Variants in FARS2 observed in about 807,000 individuals in gnomAD.
FARS2 encodes the protein phenylalanine--tRNA ligase, mitochondrial.
A neutral mutation model predicts 46.4 loss-of-function variants in FARS2; 40 were observed. The observed-to-expected ratio is 0.86, with a 90% CI of 0.67 to 1.12. The LOEUF (loss-of-function observed/expected upper bound fraction) is 1.12, where lower values mean the gene tolerates loss of function less well. Among genes scored for constraint, FARS2 ranks in the 50% most tolerant of loss-of-function variants. FARS2 has a pLI of 0.00. For missense variants in FARS2, 513 were observed against 567.9 expected (o/e 0.90, Z 0.98); for synonymous variants, 234 against 214.9 (o/e 1.09, Z -0.78).
chr6:5,638,614 G>T lies in FARS2; in HGVS notation c.1217+25294G>T, dbSNP rs1303698035. ...AACCATCCCAGTCTTCTCAGAGCAGGCCTCACTGAAAACTGAGGACTCTCA... is the reference window on the plus strand; with the variant it reads ...AACCATCCCAGTCTTCTCAGAGCAGTCCTCACTGAAAACTGAGGACTCTCA... On this transcript the variant is annotated intron_variant, in intron 6 of 6. Coordinates refer to ENST00000274680, the MANE Select transcript of FARS2 (RefSeq NM_006567.5). 2.0e-5 allele frequency among the ~76,000 whole-genome samples: 3 copies of T among 152,166 alleles called. No homozygotes were observed. The South Asian group carries it at 6.2e-4, about 31-fold the overall frequency.
intron 6 of FARS2, among the ~76,000 whole-genome samples, chr6:5,704,238 C>T (rs1280993399): frequency 2.0e-5 from 3 of 152,196 alleles, no homozygotes; most frequent in Non-Finnish European, 4.4e-5. Flanking sequence ...CCTCTTGGCT[C>T]ATAGATGGTT....
chr6:5,680,990 C>T (rs894083778), intron 6 of FARS2, among the ~76,000 whole-genome samples: 1 of 152,162 alleles, frequency 6.6e-6, no homozygotes, highest in African/African-American at 2.4e-5. Context: ...TATCTGCTTC[C>T]GATGAGGAAG....
At chr6:5,577,751 A>G (rs1391470293) in intron 5 of FARS2, among the ~76,000 whole-genome samples, 8 of 151,982 alleles carry the variant, frequency 5.3e-5, no homozygotes, top group Non-Finnish European at 7.4e-5. Context: ...GGAGTAAACA[A>G]TAATTGGATT....
intron 6 of FARS2, among the ~76,000 whole-genome samples, chr6:5,684,349 G>A (rs138873738): frequency 0.014 from 2,161 of 152,202 alleles, 49 homozygotes; most frequent in African/African-American, 0.05. Context: ...GCACTAGTAT[G>A]CAAAACTACA....
intron 6 of FARS2, among the ~76,000 whole-genome samples, chr6:5,687,012 A>G (rs915474003): frequency 5.9e-5 from 9 of 152,104 alleles, no homozygotes; most frequent in Admixed American, 5.2e-4. Context: ...TTTGAGAAGT[A>G]TCTGTTCATA....
chr6:5,768,960 A>T (rs962447795), intron 6 of FARS2, among the ~76,000 whole-genome samples: 13 of 151,870 alleles, frequency 8.6e-5, no homozygotes, highest in Admixed American at 3.3e-4. Context: ...GCCTTGAATT[A>T]AAAAAAATGC....
chr6:5,655,313 T>C (rs1470910730), intron 6 of FARS2, among the ~76,000 whole-genome samples: 2 of 152,180 alleles, frequency 1.3e-5, no homozygotes, highest in Non-Finnish European at 2.9e-5. Context: ...TTTAGCATGA[T>C]TGATTTTTTT....
At position 5,314,561 on chromosome 6, in the gene FARS2, A is replaced by G. The variant is rs142333684; in HGVS notation, c.-22+52901A>G. Among the ~76,000 whole-genome samples the G allele has an allele frequency of 2.2e-3, 335 of 152,284 alleles. 1 individual carries two copies. Among genetic ancestry groups the G allele is most frequent in the African/African-American group, 7.7e-3 (322 of 41,564 alleles). On this transcript the variant is annotated intron_variant, in intron 1 of 6. Coordinates refer to ENST00000274680, the MANE Select transcript of FARS2 (RefSeq NM_006567.5). ...ACTTACCTTTTAGGATAAACTGCCT[A>G]TGGTCTGTTTTCTTCCAGGCAGAGG...
chr6:5,699,726 C>T (rs554729377), intron 6 of FARS2, among the ~76,000 whole-genome samples: 31 of 152,198 alleles, frequency 2.0e-4, no homozygotes, highest in Non-Finnish European at 3.8e-4. Flanking sequence ...CCAGGCTGGT[C>T]GAGATTTCAT....
chr6:5,305,716 G>A (rs1045318931), intron 1 of FARS2, among the ~76,000 whole-genome samples: 1 of 152,158 alleles, frequency 6.6e-6, no homozygotes, highest in Non-Finnish European at 1.5e-5. Flanking sequence ...ACACCTTGTT[G>A]GGAGAACTTG....
intron 6 of FARS2, among the ~76,000 whole-genome samples, chr6:5,687,287 G>C (rs1002689498): frequency 1.3e-5 from 2 of 152,172 alleles, no homozygotes; most frequent in African/African-American, 4.8e-5. Context: ...CCTATGCCCT[G>C]AATGGTATTG....
intron 6 of FARS2, among the ~76,000 whole-genome samples, chr6:5,634,740 C>T (rs992940826): frequency 2.6e-5 from 4 of 152,228 alleles, no homozygotes; most frequent in African/African-American, 7.2e-5. Flanking sequence ...GAGTAGCCCA[C>T]GTGGCAATCC....
intron 2 of FARS2, among the ~76,000 whole-genome samples, chr6:5,372,639 G>T (rs1162340966): frequency 6.6e-6 from 1 of 152,056 alleles, no homozygotes; most frequent in Non-Finnish European, 1.5e-5. Context: ...GGGTTAAAGA[G>T]AAATATTAGC....
chr6:5,564,110 ACAGCAATGGAAACTCT>A lies in FARS2; in HGVS notation c.1065+18772_1065+18787del, dbSNP rs879449587. On this transcript the variant is annotated intron_variant, in intron 5 of 6. Transcript: ENST00000274680. ...AAGGGTAATAATTAAGCAAAATACT[ACAGCAATGGAAACTCT>A]CTGTCCAATATTTCAGTTAGAAGGT... Among the ~76,000 whole-genome samples, 314 of 152,336 alleles carry A rather than the reference ACAGCAATGGAAACTCT, an allele frequency of 2.1e-3. 3 individuals carry two copies. Among genetic ancestry groups the A allele is most frequent in the African/African-American group, 7.2e-3 (301 of 41,574 alleles).
chr6:5,458,712 C>T (rs1454679561), intron 4 of FARS2, among the ~76,000 whole-genome samples: 1 of 152,090 alleles, frequency 6.6e-6, no homozygotes, highest in African/African-American at 2.4e-5. Flanking sequence ...TTTCTTATTC[C>T]TAAGAATGGC....
Position 5,297,643 on chromosome 6 carries a change from T to G in FARS2, c.-22+35983T>G, listed in dbSNP as rs115492309. Among the ~76,000 whole-genome samples the G allele has an allele frequency of 7.9e-3, 1,148 of 145,686 alleles. 13 individuals carry two copies. Among genetic ancestry groups the G allele is most frequent in the African/African-American group, 0.027 (1,085 of 39,558 alleles). On this transcript the variant is annotated intron_variant, in intron 1 of 6. Transcript: ENST00000274680. ...AGCCCGGGCAACAAGGGTGAAACTC[T>G]GTCTCACAAGCAAAAAAATAAAAAA...
intron 3 of FARS2, among the ~76,000 whole-genome samples, chr6:5,429,853 T>C (rs1763062637): frequency 6.6e-6 from 1 of 151,142 alleles, no homozygotes; most frequent in South Asian, 2.1e-4. Flanking sequence ...AGAGCAGGGG[T>C]TTTGGAGTTG....
At chr6:5,695,913 T>A (rs776351050) in intron 6 of FARS2, among the ~76,000 whole-genome samples, 1 of 152,222 alleles carries the variant, frequency 6.6e-6, no homozygotes, top group East Asian at 1.9e-4. Flanking sequence ...CAAAAAACTC[T>A]TCAACAGTCG....
rs573641773 is a variant in FARS2, at chr6:5,354,550, G to A, written c.-21-14000G>A. The stretch of plus-strand genomic sequence containing the variant: ...TTTTTTTGAGATGGAGTCTCACTCT[G>A]TTGCCCAGGCTGGAGTGCAGTGGCA... On this transcript the variant is annotated intron_variant, in intron 1 of 6. Transcript: ENST00000274680. Among the ~76,000 whole-genome samples, 3 of 145,164 alleles carry A rather than the reference G, an allele frequency of 2.1e-5. No individual in the cohort carries two copies. The South Asian group carries it at 6.6e-4, about 32-fold the overall frequency.
Sources: gnomAD v4.1 joint callset for allele counts (sites outside exome capture counted in the v4.1 genomes callset) on GRCh38, gnomAD v4.1.1 for gene constraint, MANE v1.5 for transcripts, NCBI Gene and HGNC (gene_info 2026-07-23, HGNC 2026-07-21) for gene names.